Variants in DHRS12 observed in about 807,000 individuals in gnomAD.
DHRS12 encodes dehydrogenase/reductase 12.
In DHRS12, 29 loss-of-function variants were observed where a neutral mutation model predicts 32.1. The ratio of observed to expected loss-of-function variants is 0.90; its 90% CI spans 0.67 to 1.23. DHRS12 has a LOEUF of 1.23. DHRS12 is among the 50% of genes most tolerant of loss of function. The pLI, the probability that DHRS12 is intolerant of heterozygous loss-of-function variation, is 0.00. For synonymous variants in DHRS12, 150 were observed against 135.9 expected (o/e 1.10, Z -0.72); for missense variants, 330 against 337.2 (o/e 0.98, Z 0.17).
At chr13:51,762,977 T>C in the DHRS12 span, 1 of 152,202 alleles carries the variant, frequency 6.6e-6, no homozygotes, top group Non-Finnish European at 1.5e-5. Context: ...GAATCTTATG[T>C]CATTTTGTAT....
chr13:51,757,457 GA>G, the DHRS12 span, among the ~76,000 whole-genome samples: 134 of 137,494 alleles, frequency 9.7e-4, no homozygotes, highest in Middle Eastern at 7.1e-3. Flanking sequence ...TAGAAAAAAG[GA>G]AAAAAAAAAA....
intron 4 of DHRS12, chr13:51,789,780 A>C: frequency 1.0e-6 from 1 of 985,466 alleles, no homozygotes; most frequent in Non-Finnish European, 1.2e-6. Context: ...CTTCCTAGGA[A>C]AAAAAACACT....
intron 5 of DHRS12, among the ~76,000 whole-genome samples, 158 bp downstream of exon 5, chr13:51,776,902 C>T (rs571640839): frequency 1.3e-5 from 2 of 152,278 alleles, no homozygotes; most frequent in African/African-American, 4.8e-5. Flanking sequence ...CTTGGCATGC[C>T]TCCACTTCCC....
At chr13:51,766,201 CTT>C (rs1167811723), downstream of DHRS12, 1 of 152,098 alleles carries the variant, frequency 6.6e-6, no homozygotes, top group Non-Finnish European at 1.5e-5. Context: ...TTTTAAATGA[CTT>C]TGTTTTTCAA....
chr13:51,767,328 G>A (rs1361190564), downstream of DHRS12: 1 of 152,242 alleles, frequency 6.6e-6, no homozygotes, highest in Non-Finnish European at 1.5e-5. Context: ...TTGCTTGATA[G>A]CGCCTCCTTT....
the DHRS12 span, among the ~76,000 whole-genome samples, chr13:51,757,522 A>G: frequency 1.3e-5 from 2 of 151,874 alleles, no homozygotes; most frequent in Non-Finnish European, 2.9e-5. Context: ...TGATAAGAGC[A>G]GTCTCCTAGA....
rs1011946956 is a variant in DHRS12 at position 51,774,007 on chromosome 13, C to A, written c.391G>T (p.Val131Phe). The A allele has an allele frequency of 5.0e-6, 8 of 1,613,996 alleles. No homozygotes were observed. Among genetic ancestry groups the A allele is most frequent in the Non-Finnish European group, 6.8e-6 (8 of 1,179,922 alleles). ...VITVSSGGML[V>F]QKLNTNDLQS... ...AGATCATTGGTGTTCAGTTTCTGAA[C>A]CAACATTCCTCCTGAGGAGACGGTT... The change falls in exon 6 of 9, where the codon GTT (valine) becomes TTT (phenylalanine). Residue 131 changes from valine to phenylalanine, a missense_variant. Transcript: ENST00000444610.
intron 1 of DHRS12, among the ~76,000 whole-genome samples, chr13:51,802,903 G>C (rs1352647006): frequency 2.0e-5 from 3 of 147,246 alleles, no homozygotes; most frequent in Non-Finnish European, 3.0e-5. Context: ...AGAGTCCTGG[G>C]AGAAATTTTT....
In DHRS12 at chr13:51,778,889, G is replaced by A. The variant is rs544967794; in HGVS notation, c.302-1768C>T. On this transcript the variant is annotated intron_variant, in intron 4 of 8. Transcript: ENST00000444610. ...TGCTAAAATAATACACAATATATAA[G>A]TATGTATGTGCATACATATGTGTGT... Among the ~76,000 whole-genome samples, 5 of 152,118 alleles carry A rather than the reference G, an allele frequency of 3.3e-5. No individual in the cohort carries two copies. In the South Asian group the frequency reaches 1.0e-3, roughly 32 times the overall value.
chr13:51,795,748 T>C (rs1256107382), intron 2 of DHRS12, among the ~76,000 whole-genome samples: 1 of 152,110 alleles, frequency 6.6e-6, no homozygotes, highest in East Asian at 1.9e-4. Flanking sequence ...GAAGCCAATA[T>C]CTCAATTCCC....
chr13:51,770,215 G>C (rs888630438), intron 7 of DHRS12, among the ~76,000 whole-genome samples: 9 of 152,146 alleles, frequency 5.9e-5, no homozygotes, highest in Non-Finnish European at 1.3e-4. Context: ...TAAACTGATA[G>C]GCAAAAAGAA....
At chr13:51,772,836 T>G (rs1254119226) in intron 6 of DHRS12, 1 of 985,414 alleles carries the variant, frequency 1.0e-6, no homozygotes, top group Non-Finnish European at 1.2e-6. Flanking sequence ...GTCTTTCAAA[T>G]GTCAGGATTT....
Position 51,791,183 on chromosome 13 carries a change from T to G in DHRS12, c.201A>C (p.Glu67Asp). ...IWKFVENFKQ[E>D]HKLHVLINNA... ...AGCTCACCAGAACATGGAGTTTATGTTCCTGCTTGAAATTTTCAACAAATT... is the reference window on the plus strand; with the variant it reads ...AGCTCACCAGAACATGGAGTTTATGGTCCTGCTTGAAATTTTCAACAAATT... Residue 67 changes from glutamate to aspartate, a missense_variant, in exon 3 of 9, where the codon GAA (glutamate) becomes GAC (aspartate). By Grantham distance (45) the Glu-to-Asp change is conservative. Coordinates refer to ENST00000444610, the MANE Select transcript of DHRS12 (RefSeq NM_001377533.1). The G allele has an allele frequency of 6.3e-7, 1 of 1,584,780 alleles. No individual in the cohort carries two copies. Among genetic ancestry groups the G allele is most frequent in the East Asian group, 2.3e-5 (1 of 43,946 alleles).
In DHRS12 at chr13:51,791,254, T is replaced by C. The variant is rs759101941; in HGVS notation, c.130A>G (p.Ile44Val). The C allele has an allele frequency of 6.8e-7, 1 of 1,479,080 alleles. No homozygotes were observed. The allele number at this position is 1,479,080 out of a possible 1,614,324, so 91.6% of individuals were successfully genotyped here. A position where few individuals can be genotyped will look rare whatever the true frequency, so the allele number is the denominator to read the frequency against. ...GACAAGTCCACAATGTGCAGAAAAA[T>C]GTTCTAAATTAGAAAGCAAAAAAAA... is the stretch of plus-strand genomic sequence containing the variant. Reference protein sequence around the residue: ...QLPLKSPSENIFLHIVDLSDP... With the variant: ...QLPLKSPSENVFLHIVDLSDP... The change falls in exon 3 of 9, where the codon ATT becomes GTT. Residue 44 changes from isoleucine (I) to valine (V), a missense_variant. Coordinates refer to ENST00000444610, the MANE Select transcript of DHRS12 (RefSeq NM_001377533.1).
Position 51,768,264 on chromosome 13 carries a change from CGA to C in DHRS12, c.728_729del (p.Leu243ArgfsTer15). 2 of 1,536,018 alleles carry C rather than the reference CGA, an allele frequency of 1.3e-6. No individual in the cohort carries two copies. The highest frequency in any genetic ancestry group is 1.7e-6 in the Non-Finnish European group (2 of 1,146,906). ...DRKPVSTHLP[L>X]ATASSSPAEE... ...TCGGCCGGTGAGGAGGACGCTGTAGCGAGAGGCAAGTGTGTAGAAACTGGCTT... is the reference window on the plus strand; with the variant it reads ...TCGGCCGGTGAGGAGGACGCTGTAGCGAGGCAAGTGTGTAGAAACTGGCTT... On this transcript the variant is annotated frameshift_variant, in exon 9 of 9. Transcript: ENST00000444610. LOFTEE classifies it low-confidence loss of function (END_TRUNC).
intron 7 of DHRS12, among the ~76,000 whole-genome samples, chr13:51,769,616 A>G (rs1330001312): frequency 2.0e-5 from 3 of 152,092 alleles, no homozygotes; most frequent in Non-Finnish European, 2.9e-5. Flanking sequence ...AGAGGATTCT[A>G]ATGAGCTGTG....
chr13:51,783,967 G>A (rs1954837062), intron 4 of DHRS12, among the ~76,000 whole-genome samples: 1 of 152,160 alleles, frequency 6.6e-6, no homozygotes, highest in African/African-American at 2.4e-5. Flanking sequence ...ATTTTTGTGT[G>A]CACACAGGTT....
At chr13:51,770,718 C>A in intron 7 of DHRS12, 1 of 991,150 alleles carries the variant, frequency 1.0e-6, no homozygotes, top group Non-Finnish European at 1.2e-6. Context: ...AAAGCACCAA[C>A]ACACACCTCT....
chr13:51,780,256 TG>T (rs1954641178), intron 4 of DHRS12, among the ~76,000 whole-genome samples: 2 of 152,216 alleles, frequency 1.3e-5, no homozygotes, highest in Admixed American at 1.3e-4. Context: ...AAATGGTTAA[TG>T]GGTGCTTTTA....
Sources: allele counts gnomAD v4.1 joint callset (sites outside exome capture counted in the v4.1 genomes callset), GRCh38; gene constraint gnomAD v4.1.1; transcripts MANE v1.5; gene names NCBI Gene and HGNC (gene_info 2026-07-23, HGNC 2026-07-21).